DIP2C: variants seen among roughly 807,000 people sequenced by gnomAD.
The protein encoded by DIP2C is disco-interacting protein 2 homolog C.
In DIP2C, 33 loss-of-function variants were observed where a neutral mutation model predicts 192.4. That is an observed-to-expected ratio of 0.17 (90% CI 0.13 to 0.23). The LOEUF (loss-of-function observed/expected upper bound fraction) is 0.23, where lower values mean the gene tolerates loss of function less well. Ranked by LOEUF, DIP2C falls within the 10% of genes least tolerant of loss-of-function variation. The probability of loss-of-function intolerance (pLI) is 1.00; values close to 1 mark genes in which losing one functional copy is unlikely to be tolerated. For missense variants in DIP2C, 1,537 were observed against 2,110.1 expected, an observed-to-expected ratio of 0.73 and a Z score of 5.32; for synonymous variants, 979 against 864.1, an observed-to-expected ratio of 1.13 and a Z score of -2.33.
chr10:408,445 C>T (rs1355172945), intron 9 of DIP2C, among the ~76,000 whole-genome samples: 2 of 152,220 alleles, frequency 1.3e-5, no homozygotes, highest in African/African-American at 2.4e-5. Context: ...TCCCAGGCCA[C>T]GGTCTCCTGG....
At chr10:653,938 T>C (rs896848389) in intron 1 of DIP2C, among the ~76,000 whole-genome samples, 28 of 152,220 alleles carry the variant, frequency 1.8e-4, no homozygotes, top group Admixed American at 6.5e-5. Context: ...TCTGGATTAA[T>C]GGATGCACTA....
chr10:376,345 C>T (rs576934934), intron 17 of DIP2C, among the ~76,000 whole-genome samples: 11 of 151,492 alleles, frequency 7.3e-5, no homozygotes, highest in South Asian at 6.3e-4. Context: ...CGGCCCCCGA[C>T]GGAGCCGGCA....
At chr10:584,984 T>A (rs1850924625) in intron 1 of DIP2C, among the ~76,000 whole-genome samples, 1 of 130,082 alleles carries the variant, frequency 7.7e-6, no homozygotes, top group Non-Finnish European at 1.6e-5. Context: ...CTCACGCGCA[T>A]CACCTCTCAG....
intron 31 of DIP2C, among the ~76,000 whole-genome samples, chr10:313,454 A>G (rs570287235): frequency 5.1e-4 from 75 of 146,772 alleles, no homozygotes; most frequent in Non-Finnish European, 1.0e-3. Flanking sequence ...GATTTAACCA[A>G]CCTTGAATCC....
intron 1 of DIP2C, among the ~76,000 whole-genome samples, chr10:615,186 C>T (rs1007049824): frequency 2.0e-5 from 3 of 152,194 alleles, no homozygotes; most frequent in Non-Finnish European, 2.9e-5. Flanking sequence ...GTGCAGAGGA[C>T]GGTGCGGTCC....
chr10:344,590 A>G (rs1958333275), intron 28 of DIP2C, among the ~76,000 whole-genome samples: 1 of 152,244 alleles, frequency 6.6e-6, no homozygotes, highest in Non-Finnish European at 1.5e-5. Context: ...GACAGTGTTC[A>G]CATAAAAACA....
At chr10:529,101 G>C (rs989757343) in intron 1 of DIP2C, among the ~76,000 whole-genome samples, 6 of 152,166 alleles carry the variant, frequency 3.9e-5, no homozygotes, top group African/African-American at 1.4e-4. Flanking sequence ...GCTCCCAGGA[G>C]TGGGGCAGAT....
intron 3 of DIP2C, among the ~76,000 whole-genome samples, chr10:451,203 G>A (rs541922496): frequency 6.6e-6 from 1 of 152,310 alleles, no homozygotes; most frequent in South Asian, 2.1e-4. Flanking sequence ...AGCCTGAACA[G>A]ATCATTCGAT....
chr10:613,304 A>G (rs754915326), intron 1 of DIP2C, among the ~76,000 whole-genome samples: 11 of 152,378 alleles, frequency 7.2e-5, no homozygotes, highest in Non-Finnish European at 1.0e-4. Flanking sequence ...CCTCCCACCT[A>G]GAAAACGTCA....
At chr10:473,086 T>C (rs1034764430) in intron 2 of DIP2C, among the ~76,000 whole-genome samples, 1 of 152,214 alleles carries the variant, frequency 6.6e-6, no homozygotes, top group Admixed American at 6.5e-5. Flanking sequence ...CTCCATTGGA[T>C]GCCAAGTGTT....
At chr10:526,915 C>T (rs915431950) in intron 1 of DIP2C, among the ~76,000 whole-genome samples, 3 of 152,208 alleles carry the variant, frequency 2.0e-5, no homozygotes, top group Non-Finnish European at 4.4e-5. Flanking sequence ...TCCGCCTGTC[C>T]AGGTGCATCA....
chr10:604,157 G>A (rs1464605568), intron 1 of DIP2C, among the ~76,000 whole-genome samples: 2 of 151,770 alleles, frequency 1.3e-5, no homozygotes, highest in East Asian at 1.9e-4. Flanking sequence ...ACAATCCAGG[G>A]TCCTCCCCCA....
chr10:478,026 G>A (rs866055068), intron 2 of DIP2C, among the ~76,000 whole-genome samples: 1 of 26,696 alleles, frequency 3.7e-5, no homozygotes, highest in Non-Finnish European at 7.8e-5. Flanking sequence ...GGGGAGGGGA[G>A]GGGAGGGGAA....
chr10:597,693 AAC>A (rs1256346743), intron 1 of DIP2C, among the ~76,000 whole-genome samples: 1 of 152,244 alleles, frequency 6.6e-6, no homozygotes, highest in Non-Finnish European at 1.5e-5. Flanking sequence ...TAGGCCTACT[AAC>A]AATTACGTAA....
At chr10:553,963 C>G (rs1178877807) in intron 1 of DIP2C, among the ~76,000 whole-genome samples, 2 of 146,586 alleles carry the variant, frequency 1.4e-5, no homozygotes, top group Non-Finnish European at 3.0e-5. Context: ...ATAGAAAAAA[C>G]GTATACGCTT....
At chr10:526,049 C>T (rs376924026) in intron 1 of DIP2C, among the ~76,000 whole-genome samples, 13 of 152,344 alleles carry the variant, frequency 8.5e-5, no homozygotes, top group African/African-American at 2.4e-4. Flanking sequence ...GCCGATGCTG[C>T]GCTCCTCTGT....
rs1959847992 is a variant in DIP2C, at chr10:363,869, T to C, written c.2477+505A>G. ...CAGCTTCCAAACTGAAAAAAGGCTCTAAAACACTTTATGACTTCCTCCAGA... is the reference window on the plus strand; with the variant it reads ...CAGCTTCCAAACTGAAAAAAGGCTCCAAAACACTTTATGACTTCCTCCAGA... On this transcript the variant is annotated intron_variant, in intron 20 of 36. Transcript: ENST00000280886. This position sits in a 1 kb window ranked among gnomAD's most constrained non-coding sequence, Gnocchi z 5.4. 2.0e-5 allele frequency among the ~76,000 whole-genome samples: 3 copies of C among 152,304 alleles called. No homozygotes were observed. The highest frequency in any genetic ancestry group is 7.2e-5 in the African/African-American group (3 of 41,556).
chr10:356,019 G>C (rs1759500516), intron 24 of DIP2C, among the ~76,000 whole-genome samples: 1 of 152,236 alleles, frequency 6.6e-6, no homozygotes. Context: ...GGTGGAGGTT[G>C]CAGTGAGCGG....
chr10:419,170 T>C lies in DIP2C; in HGVS notation c.634A>G (p.Thr212Ala), dbSNP rs1966002700. 6.2e-7 allele frequency: 1 copy of C among 1,614,210 alleles called. No homozygotes were observed. The highest frequency in any genetic ancestry group is 8.5e-7 in the Non-Finnish European group (1 of 1,180,028). ...TGTATCGAGTGCTCTGAGGTGTACG[T>C]GGTTACGTCAGGAGGTGCAGAATGA... ...ENHSAPPDVT[T>A]YTSEHSIQVE... The change falls in exon 6 of 37, where the codon ACG becomes GCG. Residue 212 changes from threonine to alanine, a missense_variant. Physicochemically the swap from Thr to Ala is moderately conservative, Grantham distance 58 (BLOSUM62 0). Coordinates refer to ENST00000280886, the MANE Select transcript of DIP2C (RefSeq NM_014974.3).
Sources: allele counts gnomAD v4.1 joint callset (sites outside exome capture counted in the v4.1 genomes callset), GRCh38; gene constraint gnomAD v4.1.1; non-coding constraint Gnocchi (gnomAD v3.1); transcripts MANE v1.5; gene names NCBI Gene and HGNC (gene_info 2026-07-23, HGNC 2026-07-21).